SMAD2: variants seen among roughly 807,000 people sequenced by gnomAD.
SMAD2 encodes the protein SMAD family member 2.
Under a neutral mutation model 64.4 loss-of-function variants are expected in SMAD2, and 8 were observed. The observed-to-expected ratio is 0.12, with a 90% confidence interval of 0.07 to 0.22. The LOEUF is 0.22. SMAD2 is among the 10% of genes least tolerant of loss of function. SMAD2 has a pLI of 1.00. For synonymous variants in SMAD2, 203 were observed against 195.8 expected, an observed-to-expected ratio of 1.04 and a Z score of -0.31; for missense variants, 289 against 561.2, an observed-to-expected ratio of 0.51 and a Z score of 4.90.
intron 1 of SMAD2, among the ~76,000 whole-genome samples, chr18:47,911,164 A>C (rs1475221834): frequency 6.6e-6 from 1 of 151,952 alleles, no homozygotes; most frequent in Non-Finnish European, 1.5e-5. Flanking sequence ...TAGCCTGACC[A>C]ACATGGTGAA....
rs1347023893 is a variant in SMAD2 at position 47,835,793 on chromosome 18, T to C, written c.*6034A>G. ...TGTCCTTAAATCAATATATTACGGA[T>C]TTCATTGTTCAATAAATTACCATCT... On this transcript the variant is annotated 3_prime_UTR_variant, in exon 11 of 11. Transcript: ENST00000262160. The C allele has an allele frequency of 5.2e-6, 1 of 190,808 alleles. No individual in the cohort carries two copies. Among genetic ancestry groups the C allele is most frequent in the East Asian group, 8.4e-5 (1 of 11,916 alleles). 11.8% of individuals were successfully genotyped at this position (190,808 alleles called of 1,614,324 possible).
intron 7 of SMAD2, among the ~76,000 whole-genome samples, chr18:47,850,225 A>ATATATAT (rs1195063877): frequency 5.1e-4 from 28 of 54,440 alleles, no homozygotes; most frequent in African/African-American, 1.9e-3. Flanking sequence ...TATATGTATA[A>ATATATAT]TATATATTAT....
chr18:47,819,989 G>A lies in SMAD2; in HGVS notation c.*21838C>T, dbSNP rs919205623. ...GAACAGCCACTGAACTCCAGCCTGG[G>A]TAACACAGCAAGACATTGTCTCTAA... On this transcript the variant is annotated 3_prime_UTR_variant, in exon 11 of 11. Transcript: ENST00000262160. The A allele has an allele frequency of 6.6e-6, 1 of 152,166 alleles. No individual in the cohort carries two copies. The highest frequency in any genetic ancestry group is 6.6e-5 in the Admixed American group (1 of 15,254). 9.4% of individuals were successfully genotyped at this position (152,166 alleles called of 1,614,324 possible).
intron 6 of SMAD2, among the ~76,000 whole-genome samples, chr18:47,864,784 C>A (rs924199515): frequency 3.4e-4 from 52 of 152,000 alleles, no homozygotes; most frequent in Non-Finnish European, 4.4e-5. Flanking sequence ...GAAGCAAATA[C>A]TTAAAAAGAA....
chr18:47,894,052 A>T (rs997481971), intron 2 of SMAD2, among the ~76,000 whole-genome samples: 10 of 152,154 alleles, frequency 6.6e-5, no homozygotes, highest in African/African-American at 2.4e-4. Context: ...AAAGAATGGG[A>T]AATAAGGAAA....
rs372600375 is a variant in SMAD2 at position 47,905,213 on chromosome 18, G to A, written c.-53-8404C>T. Among the ~76,000 whole-genome samples, 22 of 152,146 alleles carry A rather than the reference G, an allele frequency of 1.4e-4. 1 individual carries two copies. The East Asian group carries it at 3.7e-3, about 25-fold the overall frequency. Reference sequence around the variant, plus strand: ...TGGAAAATGAAATTTCAAGAAATACGCTTGAAACAACAGATATTTTCTACA... The same window carrying A: ...TGGAAAATGAAATTTCAAGAAATACACTTGAAACAACAGATATTTTCTACA... On this transcript the variant is annotated intron_variant, in intron 1 of 10. Coordinates refer to ENST00000262160, the MANE Select transcript of SMAD2 (RefSeq NM_005901.6).
rs1168232822 is a variant in SMAD2, at chr18:47,850,451, T to A, written c.784+823A>T. On this transcript the variant is annotated intron_variant, in intron 7 of 10. Transcript: ENST00000262160. ...TTATATATATTATGTATAATATATATTATATATTATACATAATATATATTA... is the reference window on the plus strand; with the variant it reads ...TTATATATATTATGTATAATATATAATATATATTATACATAATATATATTA... 1.8e-4 allele frequency among the ~76,000 whole-genome samples: 4 copies of A among 22,056 alleles called. 1 individual carries two copies. The highest frequency in any genetic ancestry group is 2.8e-4 in the Non-Finnish European group (4 of 14,208). 14.5% of individuals were successfully genotyped at this position (22,056 alleles called of 152,430 possible). A position where few individuals can be genotyped will look rare whatever the true frequency, so the allele number is the denominator to read the frequency against.
In SMAD2 at chr18:47,810,471, G is replaced by A. The variant is rs1192592715; in HGVS notation, c.*31356C>T. On this transcript the variant is annotated 3_prime_UTR_variant, in exon 11 of 11. Coordinates refer to ENST00000262160, the MANE Select transcript of SMAD2 (RefSeq NM_005901.6). Reference sequence around the variant, plus strand: ...TGCAGCAGTTTATGCTACAGACTGGGCTTTCAATCACCTGATTCCACACTG... The same window carrying A: ...TGCAGCAGTTTATGCTACAGACTGGACTTTCAATCACCTGATTCCACACTG... 2.6e-5 allele frequency: 4 copies of A among 152,102 alleles called. No individual in the cohort carries two copies. Among genetic ancestry groups the A allele is most frequent in the African/African-American group, 9.7e-5 (4 of 41,386 alleles). 9.4% of individuals were successfully genotyped at this position (152,102 alleles called of 1,614,324 possible).
At chr18:47,905,047 GGAAA>G (rs2033847532) in intron 1 of SMAD2, among the ~76,000 whole-genome samples, 1 of 152,042 alleles carries the variant, frequency 6.6e-6, no homozygotes, top group Non-Finnish European at 1.5e-5. Flanking sequence ...AAGATAGACT[GGAAA>G]GAAATAAATA....
chr18:47,828,085 G>T lies in SMAD2; in HGVS notation c.*13742C>A. 6.1e-6 allele frequency: 1 copy of T among 162,648 alleles called. No homozygotes were observed. The highest frequency in any genetic ancestry group is 1.3e-5 in the Non-Finnish European group (1 of 76,222). The allele number at this position is 162,648 out of a possible 1,614,324, so 10.1% of individuals were successfully genotyped here. A position where few individuals can be genotyped will look rare whatever the true frequency, so the allele number is the denominator to read the frequency against. On this transcript the variant is annotated 3_prime_UTR_variant, in exon 11 of 11. Transcript: ENST00000262160. ...TGGGATGTGAGGAGTGTCTCTGCCCGACCGCCACCCCGTCTGGGAGGTGAG... is the reference window on the plus strand; with the variant it reads ...TGGGATGTGAGGAGTGTCTCTGCCCTACCGCCACCCCGTCTGGGAGGTGAG...
chr18:47,916,473 G>A (rs1340958774), intron 1 of SMAD2, among the ~76,000 whole-genome samples: 1 of 152,128 alleles, frequency 6.6e-6, no homozygotes, highest in African/African-American at 2.4e-5. Context: ...CTGGAGTGCA[G>A]TGGCACGATC....
At chr18:47,893,502 T>TA (rs1228809322) in intron 2 of SMAD2, among the ~76,000 whole-genome samples, 1 of 152,226 alleles carries the variant, frequency 6.6e-6, no homozygotes, top group African/African-American at 2.4e-5. Flanking sequence ...GGCACTTTAC[T>TA]AACATTTTAC....
chr18:47,819,148 A>G lies in SMAD2; in HGVS notation c.*22679T>C, dbSNP rs1182848176. 6.6e-6 allele frequency: 1 copy of G among 152,262 alleles called. No individual in the cohort carries two copies. The highest frequency in any genetic ancestry group is 2.4e-5 in the African/African-American group (1 of 41,472). The allele number at this position is 152,262 out of a possible 1,614,324, so 9.4% of individuals were successfully genotyped here. On this transcript the variant is annotated 3_prime_UTR_variant, in exon 11 of 11. Coordinates refer to ENST00000262160, the MANE Select transcript of SMAD2 (RefSeq NM_005901.6). ...AAGTGCCTTTTAGTTAATATAACTT[A>G]AACATCTGATAAGCTGGTTTTAAAA...
chr18:47,817,884 C>T lies in SMAD2; in HGVS notation c.*23943G>A, dbSNP rs1912424830. The T allele has an allele frequency of 6.6e-6, 1 of 152,214 alleles. No homozygotes were observed. Among genetic ancestry groups the T allele is most frequent in the African/African-American group, 2.4e-5 (1 of 41,446 alleles). The allele number at this position is 152,214 out of a possible 1,614,324, so 9.4% of individuals were successfully genotyped here. On this transcript the variant is annotated 3_prime_UTR_variant, in exon 11 of 11. Transcript: ENST00000262160. ...CCAGTTAAAACACTGGTCCAAACAC[C>T]TGACTTATCTGTCAGGATTTACAGA...
chr18:47,859,002 A>C (rs573897219), intron 6 of SMAD2, among the ~76,000 whole-genome samples: 14 of 152,302 alleles, frequency 9.2e-5, no homozygotes, highest in Non-Finnish European at 1.5e-4. Flanking sequence ...TATGCTGTCC[A>C]CAAGAAACAC....
rs1300375980 is a variant in SMAD2 at position 47,824,194 on chromosome 18, G to A, written c.*17633C>T. The A allele has an allele frequency of 1.3e-5, 2 of 152,210 alleles. No individual in the cohort carries two copies. Among genetic ancestry groups the A allele is most frequent in the East Asian group, 1.9e-4 (1 of 5,204 alleles). 9.4% of individuals were successfully genotyped at this position (152,210 alleles called of 1,614,324 possible). A position where few individuals can be genotyped will look rare whatever the true frequency, so the allele number is the denominator to read the frequency against. ...AAACATCTTCATCAAGAGAGGGAAA[G>A]GTGAAAGCTGTCAGAATCAAGAGTC... is the stretch of plus-strand genomic sequence containing the variant. On this transcript the variant is annotated 3_prime_UTR_variant, in exon 11 of 11. Transcript: ENST00000262160.
rs900170563 is a variant in SMAD2, at chr18:47,818,442, A to T, written c.*23385T>A. On this transcript the variant is annotated 3_prime_UTR_variant, in exon 11 of 11. Coordinates refer to ENST00000262160, the MANE Select transcript of SMAD2 (RefSeq NM_005901.6). The stretch of plus-strand genomic sequence containing the variant: ...ACGTATAAAAATTAGGCTCTCAAAC[A>T]GGTCAAAATCTTGAGCTCAGGGCAA... 1 of 152,228 alleles carries T rather than the reference A, an allele frequency of 6.6e-6. No homozygotes were observed. 9.4% of individuals were successfully genotyped at this position (152,228 alleles called of 1,614,324 possible). A position where few individuals can be genotyped will look rare whatever the true frequency, so the allele number is the denominator to read the frequency against.
In SMAD2 at chr18:47,828,001, C is replaced by CT. The variant is rs772143895; in HGVS notation, c.*13825dup. 215 of 176,338 alleles carry CT rather than the reference C, an allele frequency of 1.2e-3. 1 individual carries two copies. The highest frequency in any genetic ancestry group is 3.0e-3 in the South Asian group (26 of 8,536). 10.9% of individuals were successfully genotyped at this position (176,338 alleles called of 1,614,324 possible). On this transcript the variant is annotated 3_prime_UTR_variant, in exon 11 of 11. Coordinates refer to ENST00000262160, the MANE Select transcript of SMAD2 (RefSeq NM_005901.6). ...GCCCAGTCTGGGAAGTGAGGAGCGC[C>CT]TCTTCCCGGCCGCCCATCGTCTGAG...
intron 1 of SMAD2, among the ~76,000 whole-genome samples, chr18:47,910,164 G>C (rs1307152936): frequency 8.2e-6 from 1 of 122,232 alleles, no homozygotes; most frequent in Non-Finnish European, 1.7e-5. Context: ...AAGAGATTGT[G>C]GATATGGAAA....
Sources: allele counts gnomAD v4.1 joint callset (sites outside exome capture counted in the v4.1 genomes callset), GRCh38; gene constraint gnomAD v4.1.1; transcripts MANE v1.5; gene names NCBI Gene and HGNC (gene_info 2026-07-23, HGNC 2026-07-21).